Variants in THAP6 observed in about 807,000 individuals in gnomAD.
The protein encoded by THAP6 is THAP domain-containing protein 6.
THAP6 carries 13 observed loss-of-function variants against 20.0 expected under a neutral mutation model. The ratio of observed to expected loss-of-function variants is 0.65; its 90% confidence interval spans 0.42 to 1.03. The LOEUF is 1.03. Ranked by LOEUF, THAP6 falls within the 50% of genes least tolerant of loss-of-function variation. THAP6 has a pLI of 0.00. For synonymous variants in THAP6, 93 were observed against 92.2 expected (o/e 1.01, Z -0.05); for missense variants, 262 against 261.6 (o/e 1.00, Z -0.01).
At chr4:75,541,328 C>T (rs945397805) in intron 2 of THAP6, among the ~76,000 whole-genome samples, 2 of 152,070 alleles carry the variant, frequency 1.3e-5, no homozygotes, top group African/African-American at 4.8e-5. Flanking sequence ...TCCATATTAT[C>T]GCCATGGGAA....
At chr4:75,514,547 C>A (rs955280339) in intron 1 of THAP6, 27 bp downstream of exon 1, 9 of 376,664 alleles carry the variant, frequency 2.4e-5, no homozygotes, top group Non-Finnish European at 3.9e-5. Flanking sequence ...TGCCTGTTTT[C>A]CCCCAATCGC....
At chr4:75,539,991 T>C (rs897979882) in intron 2 of THAP6, 90 of 1,530,372 alleles carry the variant, frequency 5.9e-5, no homozygotes, top group Non-Finnish European at 7.4e-5. Flanking sequence ...TAATCTTCCC[T>C]CTCTTGTGGC....
rs143920365 is a variant in THAP6, at chr4:75,516,961, T to G, written c.270T>G (p.Asp90Glu). 6.2e-7 allele frequency: 1 copy of G among 1,613,564 alleles called. No individual in the cohort carries two copies. The highest frequency in any genetic ancestry group is 1.3e-5 in the African/African-American group (1 of 74,888). Residue 90 changes from aspartate to glutamate, a missense_variant, in exon 3 of 5, where the codon GAT becomes GAG. Asp to Glu is a conservative substitution (Grantham distance 45). Transcript: ENST00000311638. Reference sequence around the variant, plus strand: ...CTGGAGTCATACCTTCTATCTTTGATTCTCCATATCACCTACAGGTTTGTT... The same window carrying G: ...CTGGAGTCATACCTTCTATCTTTGAGTCTCCATATCACCTACAGGTTTGTT... ...LKPGVIPSIF[D>E]SPYHLQGKRE...
In THAP6 at chr4:75,527,248, C is replaced by A; in HGVS notation, c.*34C>A. 1.3e-6 allele frequency: 2 copies of A among 1,580,776 alleles called. No individual in the cohort carries two copies. Among genetic ancestry groups the A allele is most frequent in the South Asian group, 2.3e-5 (2 of 86,922 alleles). On this transcript the variant is annotated 3_prime_UTR_variant, in exon 5 of 5. Transcript: ENST00000311638. ...CATGTTACGTTCCACCTAAAATTGT[C>A]ATTGGTACAAATTTTTATAAAATCT... is the stretch of plus-strand genomic sequence containing the variant.
At chr4:75,546,672 AG>A in intron 3 of THAP6, among the ~76,000 whole-genome samples, 1 of 152,190 alleles carries the variant, frequency 6.6e-6, no homozygotes, top group Middle Eastern at 3.2e-3. Flanking sequence ...CAAAATCTAC[AG>A]GGTAGGCCAG....
upstream of THAP6, chr4:75,514,309 C>T: frequency 6.2e-7 from 1 of 1,602,534 alleles, no homozygotes; most frequent in Non-Finnish European, 8.5e-7. Flanking sequence ...CCCTCACATT[C>T]CACCGATCCT....
At position 75,539,969 on chromosome 4, in the gene THAP6, T is replaced by C. The variant is rs187331978; in HGVS notation, c.166-2440T>C. 4.4e-3 allele frequency: 6,719 copies of C among 1,534,754 alleles called. 29 individuals carry two copies. The highest frequency in any genetic ancestry group is 4.8e-3 in the Non-Finnish European group (5,470 of 1,146,226). ...AGGCAACAGTGGTCAGGTAGGCTAT[T>C]TGTGCCTTAAATAATCTTCCCTCTC... On this transcript the variant is annotated intron_variant, in intron 2 of 4. Coordinates refer to the THAP6 transcript ENST00000502620.
chr4:75,532,614 G>A (rs1432347665), downstream of THAP6, among the ~76,000 whole-genome samples: 4 of 152,222 alleles, frequency 2.6e-5, no homozygotes. Context: ...TTCTCCATGA[G>A]GACCCTGGCC....
At chr4:75,520,492 T>C (rs1725955512) in intron 3 of THAP6, among the ~76,000 whole-genome samples, 1 of 152,198 alleles carries the variant, frequency 6.6e-6, no homozygotes, top group Non-Finnish European at 1.5e-5. Context: ...GTGGTGTCAA[T>C]TATATAGACG....
intron 2 of THAP6, among the ~76,000 whole-genome samples, chr4:75,536,426 T>G (rs969052528): frequency 6.6e-6 from 1 of 152,118 alleles, no homozygotes; most frequent in Non-Finnish European, 1.5e-5. Context: ...ATCATGCCAT[T>G]GCACTGCAGC....
intron 2 of THAP6, among the ~76,000 whole-genome samples, chr4:75,535,604 T>C (rs1726826853): frequency 6.6e-6 from 1 of 152,244 alleles, no homozygotes; most frequent in African/African-American, 2.4e-5. Context: ...GTAAAACTGC[T>C]CTAGCAGGTC....
At position 75,526,779 on chromosome 4, in the gene THAP6, G is replaced by A. The variant is rs541408870; in HGVS notation, c.415-181G>A. ...GCCTGGCCTTAGTAAAAGGAGGGAT[G>A]CCCTTAGCACCCTAAATATTGCTTC... On this transcript the variant is annotated intron_variant, in intron 4 of 4. Coordinates refer to ENST00000311638, the MANE Select transcript of THAP6 (RefSeq NM_144721.6). 2.0e-5 allele frequency among the ~76,000 whole-genome samples: 3 copies of A among 152,276 alleles called. No individual in the cohort carries two copies. In the South Asian group the frequency reaches 6.2e-4, roughly 32 times the overall value.
chr4:75,521,923 ACAAT>A, intron 4 of THAP6, 62 bp downstream of exon 4: 3 of 1,592,056 alleles, frequency 1.9e-6, no homozygotes, highest in Non-Finnish European at 2.6e-6. Flanking sequence ...CCTCTCCATT[ACAAT>A]CAAATTTTTC....
chr4:75,529,526 G>A lies in THAP6; in HGVS notation c.*2312G>A, dbSNP rs1726589269. On this transcript the variant is annotated 3_prime_UTR_variant, in exon 5 of 5. Coordinates refer to ENST00000311638, the MANE Select transcript of THAP6 (RefSeq NM_144721.6). ...TCTAATAGGGAAGCAATTACTGATA[G>A]AAATGTGAGATTAAAAATAGGGTCC... is the stretch of plus-strand genomic sequence containing the variant. The A allele has an allele frequency of 2.0e-6, 2 of 985,420 alleles. No individual in the cohort carries two copies. The highest frequency in any genetic ancestry group is 2.4e-6 in the Non-Finnish European group (2 of 829,928). The allele number at this position is 985,420 out of a possible 1,614,324, so 61.0% of individuals were successfully genotyped here.
chr4:75,516,970 T>C lies in THAP6; in HGVS notation c.279T>C (p.Tyr93=). ...TACCTTCTATCTTTGATTCTCCATATCACCTACAGGTTTGTTTATGAGATA... is the reference window on the plus strand; with the variant it reads ...TACCTTCTATCTTTGATTCTCCATACCACCTACAGGTTTGTTTATGAGATA... ...GVIPSIFDSP[Y]HLQGKREKLH... The change falls in exon 3 of 5, where the codon TAT becomes TAC. Residue 93 remains tyrosine (Y), a synonymous_variant. Coordinates refer to ENST00000311638, the MANE Select transcript of THAP6 (RefSeq NM_144721.6). 3.7e-6 allele frequency: 6 copies of C among 1,603,424 alleles called. No homozygotes were observed. The highest frequency in any genetic ancestry group is 4.3e-6 in the Non-Finnish European group (5 of 1,171,156).
intron 3 of THAP6, among the ~76,000 whole-genome samples, chr4:75,518,234 A>G (rs77289963): frequency 0.21 from 31,328 of 152,226 alleles, 3,315 homozygotes; most frequent in Middle Eastern, 0.33. Context: ...CCAACTTTCA[A>G]AAACTATTGA....
rs188056455 is a variant in THAP6, at chr4:75,524,766, T to A, written c.415-2194T>A. ...TCTTTTTTTAAATTTTTTATTTATTTATTTTTGGAGACAGGGTTTCCCTCT... is the reference window on the plus strand; with the variant it reads ...TCTTTTTTTAAATTTTTTATTTATTAATTTTTGGAGACAGGGTTTCCCTCT... On this transcript the variant is annotated intron_variant, in intron 4 of 4. Coordinates refer to ENST00000311638, the MANE Select transcript of THAP6 (RefSeq NM_144721.6). Among the ~76,000 whole-genome samples the A allele has an allele frequency of 5.8e-3, 883 of 152,290 alleles. 3 individuals are homozygous for A. Among genetic ancestry groups the A allele is most frequent in the Non-Finnish European group, 9.6e-3 (656 of 68,014 alleles).
At chr4:75,514,173 G>A (rs749729881), upstream of THAP6, 1 of 1,595,560 alleles carries the variant, frequency 6.3e-7, no homozygotes, top group Non-Finnish European at 8.6e-7. Flanking sequence ...AGCTTGTCAG[G>A]GAAGAGTCCA....
At chr4:75,520,738 C>A (rs77652262) in intron 3 of THAP6, among the ~76,000 whole-genome samples, 1 of 152,128 alleles carries the variant, frequency 6.6e-6, no homozygotes, top group African/African-American at 2.4e-5. Flanking sequence ...TCATCCAAAG[C>A]CTCATTAGAA....
Sources: gnomAD v4.1 joint callset for allele counts (sites outside exome capture counted in the v4.1 genomes callset) on GRCh38, gnomAD v4.1.1 for gene constraint, MANE v1.5 for transcripts, NCBI Gene and HGNC (gene_info 2026-07-23, HGNC 2026-07-21) for gene names.